TUSC3: variants seen among roughly 807,000 people sequenced by gnomAD.
TUSC3 encodes the protein dolichyl-diphosphooligosaccharide--protein glycosyltransferase subunit TUSC3.
TUSC3 carries 45 observed loss-of-function variants against 44.8 expected under a neutral mutation model. That is an observed-to-expected ratio of 1.00 (90% CI 0.79 to 1.29). The LOEUF (loss-of-function observed/expected upper bound fraction) is 1.29, where lower values mean the gene tolerates loss of function less well. Ranked by LOEUF, TUSC3 falls within the 50% of genes most tolerant of loss-of-function variation. The pLI, the probability that TUSC3 is intolerant of heterozygous loss-of-function variation, is 0.00. For missense variants in TUSC3, 519 were observed against 437.9 expected (o/e 1.19, Z -1.65); for synonymous variants, 212 against 152.9 (o/e 1.39, Z -2.85).
intron 2 of TUSC3, among the ~76,000 whole-genome samples, chr8:15,628,737 C>G (rs982497299): frequency 6.6e-6 from 1 of 152,172 alleles, no homozygotes; most frequent in African/African-American, 2.4e-5. Context: ...GTTTTTGAAA[C>G]TAGAATACCT....
chr8:15,521,242 G>C (rs1585074385), intron 2 of TUSC3, among the ~76,000 whole-genome samples: 2 of 152,162 alleles, frequency 1.3e-5, no homozygotes, highest in Admixed American at 1.3e-4. Context: ...GGATGCTTGA[G>C]TTCTTAGGGA....
chr8:15,689,259 C>A, intron 6 of TUSC3: 1 of 352,982 alleles, frequency 2.8e-6, no homozygotes. Context: ...GGGAATCGAT[C>A]CACTTGTGAA....
chr8:15,675,197 G>A (rs1467184438), intron 6 of TUSC3, among the ~76,000 whole-genome samples: 1 of 152,142 alleles, frequency 6.6e-6, no homozygotes, highest in African/African-American at 2.4e-5. Flanking sequence ...AGAAGGGCCT[G>A]ATGCAAAGAT....
chr8:15,829,242 A>G, the TUSC3 span, among the ~76,000 whole-genome samples: 1 of 152,312 alleles, frequency 6.6e-6, no homozygotes. Context: ...GTTGCAAAGA[A>G]TCAACTTCAC....
At chr8:15,542,039 C>G (rs1801709762) in intron 1 of TUSC3, among the ~76,000 whole-genome samples, 1 of 150,950 alleles carries the variant, frequency 6.6e-6, no homozygotes, top group African/African-American at 2.4e-5. Context: ...GCACTGGTGA[C>G]ACAGCCTCTG....
the TUSC3 span, among the ~76,000 whole-genome samples, chr8:15,848,231 T>G: frequency 6.6e-6 from 1 of 152,188 alleles, no homozygotes; most frequent in Non-Finnish European, 1.5e-5. Context: ...CATCCTTCCC[T>G]GTGTAGGACA....
intron 6 of TUSC3, among the ~76,000 whole-genome samples, chr8:15,711,303 C>T (rs949184849): frequency 2.0e-5 from 3 of 151,642 alleles, no homozygotes; most frequent in African/African-American, 7.3e-5. Flanking sequence ...CTTCATTAGG[C>T]ATAGAAGATT....
chr8:15,586,930 TA>T (rs1803627233), intron 1 of TUSC3, among the ~76,000 whole-genome samples: 1 of 152,186 alleles, frequency 6.6e-6, no homozygotes, highest in South Asian at 2.1e-4. Flanking sequence ...CTTAATTTTG[TA>T]AAAATAAGCC....
chr8:15,821,494 T>A, the TUSC3 span, among the ~76,000 whole-genome samples: 62 of 151,974 alleles, frequency 4.1e-4, 1 homozygote, highest in East Asian at 0.012. Flanking sequence ...CTCAGCCTTA[T>A]ACTGATTCCT....
rs748353748 is a variant in TUSC3, at chr8:15,650,249, G to C, written c.309-448G>C. 1.7e-4 allele frequency among the ~76,000 whole-genome samples: 26 copies of C among 152,210 alleles called. 1 individual carries two copies. The South Asian group carries it at 2.3e-3, about 13-fold the overall frequency. On this transcript the variant is annotated intron_variant, in intron 2 of 10. Transcript: ENST00000503731. Reference sequence around the variant, plus strand: ...TAATTTTGTTTTTCTGTTAAACTAAGTTGCAAATATTCTTAAAAATTGGTC... The same window carrying C: ...TAATTTTGTTTTTCTGTTAAACTAACTTGCAAATATTCTTAAAAATTGGTC...
chr8:15,706,205 A>G (rs13275202), intron 6 of TUSC3, among the ~76,000 whole-genome samples: 73,133 of 151,788 alleles, frequency 0.48, 19,874 homozygotes, highest in Non-Finnish European at 0.62. Context: ...TATTGCATAT[A>G]TATGGTATAT....
At chr8:15,675,116 C>A (rs1808125765) in intron 6 of TUSC3, among the ~76,000 whole-genome samples, 1 of 152,030 alleles carries the variant, frequency 6.6e-6, no homozygotes, top group Non-Finnish European at 1.5e-5. Context: ...TGCCATGACC[C>A]TAGTAATAGA....
rs762515317 is a variant in TUSC3 at position 15,763,381 on chromosome 8, G to GT, written c.*47-812dup. ...ACTTTGGACATTTTTCCAGCTACAT[G>GT]TTTTTTTTTTGATGTTGTTGTTTTT... On this transcript the variant is annotated intron_variant, in intron 10 of 10. Transcript: ENST00000503731. Among the ~76,000 whole-genome samples the GT allele has an allele frequency of 4.6e-3, 669 of 146,860 alleles. 4 individuals are homozygous for GT. The highest frequency in any genetic ancestry group is 0.012 in the African/African-American group (486 of 40,226).
intron 1 of TUSC3, among the ~76,000 whole-genome samples, chr8:15,478,873 G>C (rs1351524911): frequency 2.0e-5 from 3 of 152,076 alleles, no homozygotes; most frequent in African/African-American, 7.2e-5. Flanking sequence ...TTCCACAGTG[G>C]TAGAACTAAT....
intron 6 of TUSC3, among the ~76,000 whole-genome samples, chr8:15,698,397 A>G (rs966834212): frequency 6.6e-6 from 1 of 152,190 alleles, no homozygotes; most frequent in African/African-American, 2.4e-5. Context: ...ATAAGTATTA[A>G]CTATATATTG....
At chr8:15,539,901 G>A (rs1801614842), upstream of TUSC3, among the ~76,000 whole-genome samples, 1 of 152,224 alleles carries the variant, frequency 6.6e-6, no homozygotes, top group Non-Finnish European at 1.5e-5. Flanking sequence ...GGCTCTGAAG[G>A]AGAAGAGCTG....
intron 1 of TUSC3, among the ~76,000 whole-genome samples, chr8:15,470,670 C>T (rs1276517781): frequency 6.6e-6 from 1 of 152,118 alleles, no homozygotes; most frequent in Admixed American, 6.6e-5. Context: ...ATTCAAAGTC[C>T]TTTCATTAAA....
intron 1 of TUSC3, among the ~76,000 whole-genome samples, chr8:15,479,702 A>G (rs192911601): frequency 6.6e-6 from 1 of 152,272 alleles, no homozygotes; most frequent in East Asian, 1.9e-4. Context: ...GTATAATTTG[A>G]AGTCAGACAG....
the TUSC3 span, among the ~76,000 whole-genome samples, chr8:15,801,208 G>A: frequency 2.6e-5 from 4 of 152,194 alleles, no homozygotes; most frequent in African/African-American, 9.7e-5. Flanking sequence ...GATTACGCAC[G>A]CCTCTCCTTT....
Sources: allele counts gnomAD v4.1 joint callset (sites outside exome capture counted in the v4.1 genomes callset), GRCh38; gene constraint gnomAD v4.1.1; transcripts MANE v1.5; gene names NCBI Gene and HGNC (gene_info 2026-07-23, HGNC 2026-07-21).